Variants in PHF12 observed in about 807,000 individuals in gnomAD.
The protein encoded by PHF12 is PHD finger protein 12.
PHF12 carries 6 observed loss-of-function variants against 99.8 expected under a neutral mutation model. The ratio of observed to expected loss-of-function variants is 0.06; its 90% CI spans 0.03 to 0.12. The LOEUF (loss-of-function observed/expected upper bound fraction) is 0.12, where lower values mean the gene tolerates loss of function less well. Among genes scored for constraint, PHF12 ranks in the 10% least tolerant of loss-of-function variants. The probability of loss-of-function intolerance (pLI) is 1.00; values close to 1 mark genes in which losing one functional copy is unlikely to be tolerated. For synonymous variants in PHF12, 480 were observed against 514.9 expected (o/e 0.93, Z 0.92); for missense variants, 954 against 1,300.1 (o/e 0.73, Z 4.09).
chr17:28,913,381 G>A, intron 8 of PHF12, 104 bp from the exon 9 acceptor site: 1 of 1,491,304 alleles, frequency 6.7e-7, no homozygotes, highest in Non-Finnish European at 8.9e-7. Context: ...AGTTTCCGAG[G>A]TCCCATCATG....
intron 2 of PHF12, among the ~76,000 whole-genome samples, chr17:28,943,041 C>T (rs1282987156): frequency 6.6e-6 from 1 of 151,876 alleles, no homozygotes; most frequent in African/African-American, 2.4e-5. Flanking sequence ...CACAAATGAC[C>T]AATAACCACA....
chr17:28,906,953 C>T lies in PHF12; in HGVS notation c.2583G>A (p.Gly861=), dbSNP rs1435497945. The T allele has an allele frequency of 6.2e-7, 1 of 1,612,972 alleles. No homozygotes were observed. The highest frequency in any genetic ancestry group is 2.2e-5 in the East Asian group (1 of 44,848). Residue 861 remains glycine (G), a synonymous_variant, in exon 14 of 15, where the codon GGG becomes GGA. Transcript: ENST00000332830. The surrounding 1 kb of genome is among the most constrained non-coding windows in gnomAD (Gnocchi z 4.2). ...HYELLNYSEH[G]TTVDNVLYSC... Reference sequence around the variant, plus strand: ...AATACAGCACATTGTCCACCGTTGTCCCATGCTCACTGTAGTTTAACAGCT... The same window carrying T: ...AATACAGCACATTGTCCACCGTTGTTCCATGCTCACTGTAGTTTAACAGCT...
intron 9 of PHF12, 139 bp downstream of exon 9, chr17:28,912,343 C>A (rs569227798): frequency 1.4e-6 from 2 of 1,409,624 alleles, no homozygotes; most frequent in South Asian, 3.4e-5. Context: ...TCTTCTATTA[C>A]GGAAATGAGA....
intron 7 of PHF12, among the ~76,000 whole-genome samples, chr17:28,916,485 C>T (rs1385497601): frequency 1.3e-5 from 2 of 152,196 alleles, no homozygotes; most frequent in African/African-American, 2.4e-5. Context: ...CGTGAGCCAC[C>T]GCGCCTGGCC....
At position 28,910,367 on chromosome 17, in the gene PHF12, T is replaced by C. The variant is rs973524860; in HGVS notation, c.2218A>G (p.Ile740Val). 1.9e-6 allele frequency: 3 copies of C among 1,610,502 alleles called. No individual in the cohort carries two copies. Among genetic ancestry groups the C allele is most frequent in the Non-Finnish European group, 2.5e-6 (3 of 1,177,522 alleles). ...LRAFMDVNGE[I>V]EINMLDEKLI... ...TTCTCGTCCAGCATATTTATCTCGATTTCTATTAGCCAAAGAGAAAGATTA... is the reference window on the plus strand; with the variant it reads ...TTCTCGTCCAGCATATTTATCTCGACTTCTATTAGCCAAAGAGAAAGATTA... The change falls in exon 11 of 15, where the codon ATC (isoleucine) becomes GTC (valine). Residue 740 changes from isoleucine to valine, a missense_variant and splice_region_variant. By Grantham distance (29) the Ile-to-Val change is conservative. This residue lies in a region of PHF12 where 143 missense variants were observed against 191.8 expected (regional missense o/e 0.75). Transcript: ENST00000332830.
chr17:28,914,149 C>T (rs1483163437), intron 7 of PHF12, 112 bp from the exon 8 acceptor site: 17 of 1,195,620 alleles, frequency 1.4e-5, no homozygotes, highest in African/African-American at 6.1e-5. Context: ...AGGGACCATC[C>T]ACTCTGGGGT....
rs759105816 is a variant in PHF12, at chr17:28,921,825, T to C, written c.716-17A>G. The stretch of plus-strand genomic sequence containing the variant: ...TGCTAGAACCTAGAAAAGAAAATGA[T>C]GGTGCTGAGCTATCCCTGGCTTCAG... On this transcript the variant is annotated splice_polypyrimidine_tract_variant and intron_variant, in intron 4 of 14. Coordinates refer to ENST00000332830, the MANE Select transcript of PHF12 (RefSeq NM_001033561.2). 1 of 1,613,976 alleles carries C rather than the reference T, an allele frequency of 6.2e-7. No individual in the cohort carries two copies. The highest frequency in any genetic ancestry group is 1.1e-5 in the South Asian group (1 of 91,066).
Position 28,950,152 on chromosome 17 carries a change from G to A in PHF12, c.161C>T (p.Thr54Ile), listed in dbSNP as rs1249569077. 2 of 1,613,970 alleles carry A rather than the reference G, an allele frequency of 1.2e-6. No homozygotes were observed. The highest frequency in any genetic ancestry group is 1.7e-5 in the Admixed American group (1 of 60,026). Reference sequence around the variant, plus strand: ...GCAGCTATCGCAGCTGTCGTGGTTGGTGGCCCTGCCGCTTCTCCGGGGCTC... The same window carrying A: ...GCAGCTATCGCAGCTGTCGTGGTTGATGGCCCTGCCGCTTCTCCGGGGCTC... Reference protein sequence around the residue: ...EKEPRRSGRATNHDSCDSCKE... With the variant: ...EKEPRRSGRAINHDSCDSCKE... Residue 54 changes from threonine to isoleucine, a missense_variant, in exon 2 of 15, where the codon ACC (threonine) becomes ATC (isoleucine). By Grantham distance (89) the Thr-to-Ile change is moderately conservative. Coordinates refer to ENST00000332830, the MANE Select transcript of PHF12 (RefSeq NM_001033561.2). The surrounding 1 kb of genome is among the most constrained non-coding windows in gnomAD (Gnocchi z 5.7).
intron 4 of PHF12, among the ~76,000 whole-genome samples, chr17:28,922,985 T>C (rs929285208): frequency 6.6e-6 from 1 of 150,832 alleles, no homozygotes; most frequent in Non-Finnish European, 1.5e-5. Context: ...GAGGCTGAGG[T>C]GGGAGGATTG....
At chr17:28,910,913 T>C (rs921638153) in intron 10 of PHF12, 199 bp downstream of exon 10, 3 of 659,266 alleles carry the variant, frequency 4.6e-6, no homozygotes, top group African/African-American at 3.7e-5. Context: ...TATATGCACA[T>C]GTAGAAGGCA....
chr17:28,919,377 CCCTCCTTGAT>C, intron 5 of PHF12, 102 bp from the exon 6 acceptor site: 1 of 748,030 alleles, frequency 1.3e-6, no homozygotes, highest in Non-Finnish European at 2.1e-6. Context: ...TAACATTCTC[CCCTCCTTGAT>C]CCTAACATTC....
chr17:28,933,835 CCCAGGAGTTAGAGG>C (rs2040458361), intron 2 of PHF12, among the ~76,000 whole-genome samples: 1 of 152,046 alleles, frequency 6.6e-6, no homozygotes, highest in African/African-American at 2.4e-5. Context: ...ACTACTTGAC[CCCAGGAGTTAGAGG>C]CCAGGCTGGG....
intron 2 of PHF12, among the ~76,000 whole-genome samples, chr17:28,933,094 C>G (rs961716264): frequency 6.6e-6 from 1 of 152,164 alleles, no homozygotes; most frequent in Non-Finnish European, 1.5e-5. Flanking sequence ...CCCTCTCATC[C>G]TCATGTATCA....
In PHF12 at chr17:28,917,315, C is replaced by T; in HGVS notation, c.1104G>A (p.Val368=). Residue 368 remains valine (V), a synonymous_variant, in exon 7 of 15, where the codon GTG becomes GTA. Coordinates refer to ENST00000332830, the MANE Select transcript of PHF12 (RefSeq NM_001033561.2). ...AGCTTCTTCTTTTGACCGACTGGAGCACACGCCGGTTAGGGGGGTGCTTCT... is the reference window on the plus strand; with the variant it reads ...AGCTTCTTCTTTTGACCGACTGGAGTACACGCCGGTTAGGGGGGTGCTTCT... ...IHKKHPPNRR[V]LQSVKRRSLK... 6.2e-7 allele frequency: 1 copy of T among 1,614,020 alleles called. No individual in the cohort carries two copies. Among genetic ancestry groups the T allele is most frequent in the South Asian group, 1.1e-5 (1 of 91,064 alleles).
rs1161619719 is a variant in PHF12, at chr17:28,912,638, T to C, written c.1933A>G (p.Thr645Ala). ...IENTSTLQRK[T>A]VQSQIGPPLT... The stretch of plus-strand genomic sequence containing the variant: ...GGAGGTCCTATCTGTGATTGGACAG[T>C]CTTTCTTTGCAAAGTGCTGGTGTTC... The change falls in exon 9 of 15, where the codon ACT (threonine) becomes GCT (alanine). Residue 645 changes from threonine (T) to alanine (A), a missense_variant. Physicochemically the swap from Thr to Ala is moderately conservative, Grantham distance 58. This residue lies in a region of PHF12 where 392 missense variants were observed against 423.1 expected (regional missense o/e 0.93). Coordinates refer to ENST00000332830, the MANE Select transcript of PHF12 (RefSeq NM_001033561.2). 4.3e-6 allele frequency: 7 copies of C among 1,614,162 alleles called. No individual in the cohort carries two copies. The Middle Eastern group carries it at 4.9e-4, about 114-fold the overall frequency.
At chr17:28,924,579 G>A (rs2040231628) in intron 3 of PHF12, 1 of 499,490 alleles carries the variant, frequency 2.0e-6, no homozygotes, top group Non-Finnish European at 3.6e-6. Flanking sequence ...CTCATTGTAT[G>A]ACATACAACA....
chr17:28,907,493 C>T, intron 13 of PHF12, 97 bp downstream of exon 13: 2 of 1,209,602 alleles, frequency 1.7e-6, no homozygotes, highest in Admixed American at 1.9e-5. Flanking sequence ...GACCCCCAAT[C>T]CCTCTTCCCT....
In PHF12 at chr17:28,950,545, C is replaced by A. The variant is rs892533700; in HGVS notation, c.67-299G>T. On this transcript the variant is annotated intron_variant, in intron 1 of 14. Coordinates refer to ENST00000332830, the MANE Select transcript of PHF12 (RefSeq NM_001033561.2). The surrounding 1 kb of genome is among the most constrained non-coding windows in gnomAD (Gnocchi z 5.7). ...TTCCTTGTATGGACAGTGGGGGACT[C>A]CAAAGACCCGCTCGGGAGAGGCCCA... The A allele has an allele frequency of 1.9e-6, 1 of 525,532 alleles. No homozygotes were observed. The highest frequency in any genetic ancestry group is 3.4e-6 in the Non-Finnish European group (1 of 296,938). 32.6% of individuals were successfully genotyped at this position (525,532 alleles called of 1,614,324 possible).
intron 4 of PHF12, 126 bp from the exon 5 acceptor site, chr17:28,921,934 C>G: frequency 7.8e-7 from 1 of 1,284,268 alleles, no homozygotes; most frequent in South Asian, 1.6e-5. Context: ...ATGAATTGCT[C>G]TCTGAGGCCC....
Sources: gnomAD v4.1 joint callset for allele counts (sites outside exome capture counted in the v4.1 genomes callset) on GRCh38, gnomAD v4.1.1 for gene constraint, gnomAD v4.1.1 regional missense constraint, Gnocchi (gnomAD v3.1) non-coding constraint, MANE v1.5 for transcripts, NCBI Gene and HGNC (gene_info 2026-07-23, HGNC 2026-07-21) for gene names.